Variants in COL19A1 observed in about 807,000 individuals in gnomAD.
COL19A1 encodes the protein collagen alpha-1(XIX) chain.
Under a neutral mutation model 190.2 loss-of-function variants are expected in COL19A1, and 159 were observed. That is an observed-to-expected ratio of 0.84 (90% confidence interval 0.73 to 0.95). The LOEUF is 0.95. COL19A1 is among the 40% of genes least tolerant of loss of function. The pLI, the probability that COL19A1 is intolerant of heterozygous loss-of-function variation, is 0.00. For missense variants in COL19A1, 1,418 were observed against 1,431.9 expected (o/e 0.99, Z 0.16); for synonymous variants, 509 against 458.9 (o/e 1.11, Z -1.39).
intron 4 of COL19A1, among the ~76,000 whole-genome samples, chr6:69,907,982 G>A (rs982866326): frequency 2.6e-5 from 4 of 152,180 alleles, no homozygotes; most frequent in Admixed American, 2.6e-4. Context: ...TGCCTTCATA[G>A]AAGGCAACTG....
chr6:70,022,900 A>G (rs1178547671), intron 11 of COL19A1, among the ~76,000 whole-genome samples: 1 of 152,068 alleles, frequency 6.6e-6, no homozygotes, highest in East Asian at 1.9e-4. Flanking sequence ...TACACTCTAC[A>G]TTTAGTGCCT....
chr6:70,118,610 C>T (rs909204434), intron 16 of COL19A1, among the ~76,000 whole-genome samples: 1 of 152,200 alleles, frequency 6.6e-6, no homozygotes, highest in African/African-American at 2.4e-5. Context: ...CATAAATACT[C>T]ATGATGAGAT....
chr6:70,154,452 A>G (rs1390827591), intron 31 of COL19A1, among the ~76,000 whole-genome samples: 1 of 152,148 alleles, frequency 6.6e-6, no homozygotes, highest in Non-Finnish European at 1.5e-5. Flanking sequence ...AGAATGATTT[A>G]TAATCCTTTG....
In COL19A1 at chr6:70,161,896, C is replaced by G. The variant is rs769871989; in HGVS notation, c.2293-4C>G. 1 of 1,605,616 alleles carries G rather than the reference C, an allele frequency of 6.2e-7. No individual in the cohort carries two copies. The highest frequency in any genetic ancestry group is 8.5e-7 in the Non-Finnish European group (1 of 1,176,288). On this transcript the variant is annotated splice_region_variant and splice_polypyrimidine_tract_variant and intron_variant, in intron 34 of 50. Coordinates refer to ENST00000620364, the MANE Select transcript of COL19A1 (RefSeq NM_001858.6). ...GATTTTATGATGGGAACTATCTTTT[C>G]CAGGGTCTTCAAGGAATTCCAGGCA...
Position 69,971,632 on chromosome 6 carries a change from T to C in COL19A1, c.1026+8762T>C, listed in dbSNP as rs1193458757. On this transcript the variant is annotated intron_variant, in intron 11 of 50. Coordinates refer to ENST00000620364, the MANE Select transcript of COL19A1 (RefSeq NM_001858.6). ...CACTAATACAGAGAATTCCAAACGT[T>C]TTATACTTCCTAAGAAATGTCAGAC... Among the ~76,000 whole-genome samples, 4 of 152,316 alleles carry C rather than the reference T, an allele frequency of 2.6e-5. No individual in the cohort carries two copies. The East Asian group carries it at 7.7e-4, about 29-fold the overall frequency.
chr6:70,092,729 A>T (rs1783008295), intron 15 of COL19A1, among the ~76,000 whole-genome samples: 1 of 152,200 alleles, frequency 6.6e-6, no homozygotes, highest in African/African-American at 2.4e-5. Context: ...GTACTAGTCA[A>T]TTCAATCCTG....
chr6:69,993,338 G>A (rs1214942036), intron 11 of COL19A1, among the ~76,000 whole-genome samples: 2 of 152,114 alleles, frequency 1.3e-5, no homozygotes, highest in Admixed American at 6.6e-5. Context: ...GCTTTTTGAT[G>A]TGCTGTTGGA....
chr6:69,959,873 A>T, intron 9 of COL19A1, 123 bp from the exon 10 acceptor site: 1 of 713,738 alleles, frequency 1.4e-6, no homozygotes, highest in Non-Finnish European at 2.2e-6. Context: ...CCTATGCATG[A>T]TAGATATTCA....
intron 12 of COL19A1, among the ~76,000 whole-genome samples, chr6:70,024,431 C>T (rs1175584514): frequency 1.3e-5 from 2 of 152,118 alleles, no homozygotes; most frequent in Non-Finnish European, 2.9e-5. Flanking sequence ...ACCTGAAGGG[C>T]CACATGACTT....
intron 30 of COL19A1, 94 bp downstream of exon 30, chr6:70,150,139 A>G (rs1562222042): frequency 8.0e-7 from 1 of 1,254,244 alleles, no homozygotes. Flanking sequence ...AACTAATTAG[A>G]ATGCTCGGTG....
intron 14 of COL19A1, among the ~76,000 whole-genome samples, chr6:70,067,212 T>G (rs151014947): frequency 2.6e-5 from 4 of 152,208 alleles, no homozygotes; most frequent in African/African-American, 9.6e-5. Context: ...GGCTGTGATG[T>G]GAATGGATGG....
chr6:70,139,964 T>C (rs1337984630), intron 19 of COL19A1, among the ~76,000 whole-genome samples: 1 of 151,236 alleles, frequency 6.6e-6, no homozygotes, highest in East Asian at 1.9e-4. Flanking sequence ...CTTTAGTCAA[T>C]GTGGCCACTA....
At chr6:70,151,224 T>C (rs1787036595) in intron 30 of COL19A1, among the ~76,000 whole-genome samples, 173 bp from the exon 31 acceptor site, 1 of 152,174 alleles carries the variant, frequency 6.6e-6, no homozygotes, top group Admixed American at 6.6e-5. Flanking sequence ...ATTCTATCAG[T>C]GCCATGTGCA....
chr6:69,927,243 T>C (rs1312073332), intron 4 of COL19A1, among the ~76,000 whole-genome samples: 1 of 152,182 alleles, frequency 6.6e-6, no homozygotes, highest in Non-Finnish European at 1.5e-5. Flanking sequence ...TGTGTTTCTT[T>C]TATTTTCTTA....
At chr6:69,939,881 T>C (rs1209044564) in intron 9 of COL19A1, among the ~76,000 whole-genome samples, 1 of 152,176 alleles carries the variant, frequency 6.6e-6, no homozygotes, top group African/African-American at 2.4e-5. Context: ...ACCTATACTA[T>C]AAAGTGACAC....
At chr6:69,999,581 G>C (rs1284939854) in intron 11 of COL19A1, among the ~76,000 whole-genome samples, 1 of 151,916 alleles carries the variant, frequency 6.6e-6, no homozygotes. Flanking sequence ...TTAGAAACAG[G>C]GTGTCATTAT....
chr6:70,193,236 G>A (rs1452894224), intron 48 of COL19A1, among the ~76,000 whole-genome samples: 6 of 152,314 alleles, frequency 3.9e-5, no homozygotes, highest in African/African-American at 1.4e-4. Context: ...CCCTCCTGGG[G>A]AAGGCTCCGT....
intron 1 of COL19A1, among the ~76,000 whole-genome samples, chr6:69,872,282 G>A (rs1191472057): frequency 2.0e-5 from 3 of 152,034 alleles, no homozygotes; most frequent in Admixed American, 2.0e-4. Flanking sequence ...TTTATCCCCA[G>A]TGATTGTTAC....
At chr6:70,077,191 C>T (rs1781933273) in intron 15 of COL19A1, among the ~76,000 whole-genome samples, 1 of 152,108 alleles carries the variant, frequency 6.6e-6, no homozygotes, top group Non-Finnish European at 1.5e-5. Context: ...GCACATAATT[C>T]TCAAAGCAAC....
Sources: allele counts gnomAD v4.1 joint callset (sites outside exome capture counted in the v4.1 genomes callset), GRCh38; gene constraint gnomAD v4.1.1; transcripts MANE v1.5; gene names NCBI Gene and HGNC (gene_info 2026-07-23, HGNC 2026-07-21).